FAT3: variants seen among roughly 807,000 people sequenced by gnomAD.
FAT3 encodes the protein FAT atypical cadherin 3, also known as protocadherin Fat 3.
A neutral mutation model predicts 310.2 loss-of-function variants in FAT3; 95 were observed. The observed-to-expected ratio is 0.31, with a 90% CI of 0.26 to 0.36. The LOEUF is 0.36. FAT3 is among the 10% of genes least tolerant of loss of function. The pLI is 1.00. For synonymous variants in FAT3, 2,314 were observed against 2,192.9 expected (o/e 1.06, Z -1.54); for missense variants, 5,408 against 5,715.6 (o/e 0.95, Z 1.74).
chr11:92,659,188 A>G (rs761692848), intron 3 of FAT3, among the ~76,000 whole-genome samples: 2 of 152,206 alleles, frequency 1.3e-5, no homozygotes, highest in African/African-American at 4.8e-5. Context: ...ACAGTTGAAA[A>G]TACTAAAATT....
At chr11:92,746,223 A>G (rs1032784444) in intron 4 of FAT3, among the ~76,000 whole-genome samples, 3 of 152,240 alleles carry the variant, frequency 2.0e-5, no homozygotes, top group Admixed American at 1.3e-4. Flanking sequence ...TTTATAAAGG[A>G]AAGAGGTTTA....
intron 3 of FAT3, among the ~76,000 whole-genome samples, chr11:92,690,535 T>C (rs925867263): frequency 6.6e-6 from 1 of 152,194 alleles, no homozygotes; most frequent in Non-Finnish European, 1.5e-5. Flanking sequence ...GAATCCTTTT[T>C]TTAACCCCCT....
chr11:92,570,524 T>G (rs1033912175), intron 3 of FAT3, among the ~76,000 whole-genome samples: 1 of 152,162 alleles, frequency 6.6e-6, no homozygotes, highest in Non-Finnish European at 1.5e-5. Context: ...TCCTCCAGTT[T>G]CAACAGCCAT....
At chr11:92,528,599 G>T (rs2135376029) in intron 3 of FAT3, among the ~76,000 whole-genome samples, 1 of 152,292 alleles carries the variant, frequency 6.6e-6, no homozygotes, top group East Asian at 1.9e-4. Flanking sequence ...TGTTAGCCAG[G>T]ATGGTCTCGA....
chr11:92,769,039 A>G (rs956925345), intron 6 of FAT3, among the ~76,000 whole-genome samples: 2 of 152,190 alleles, frequency 1.3e-5, no homozygotes, highest in African/African-American at 2.4e-5. Context: ...AAATCTAGCC[A>G]ATTCTTGCTT....
intron 2 of FAT3, among the ~76,000 whole-genome samples, chr11:92,448,198 C>T (rs79998402): frequency 0.018 from 2,780 of 152,214 alleles, 85 homozygotes; most frequent in African/African-American, 0.062. Context: ...CTTGGAACAA[C>T]ATAAGGCAAA....
At chr11:92,256,043 A>G (rs1388378065) in intron 1 of FAT3, among the ~76,000 whole-genome samples, 1 of 152,138 alleles carries the variant, frequency 6.6e-6, no homozygotes, top group Non-Finnish European at 1.5e-5. Flanking sequence ...AAACTGTCCT[A>G]AAAAGCACAA....
intron 1 of FAT3, among the ~76,000 whole-genome samples, chr11:92,256,871 C>A (rs1037821996): frequency 6.6e-6 from 1 of 152,092 alleles, no homozygotes; most frequent in African/African-American, 2.4e-5. Context: ...CAGATCTTCC[C>A]TAATCCCAGT....
intron 3 of FAT3, among the ~76,000 whole-genome samples, chr11:92,539,734 TA>T (rs1954379139): frequency 6.6e-6 from 1 of 152,220 alleles, no homozygotes; most frequent in Non-Finnish European, 1.5e-5. Flanking sequence ...TGCCCAGGGT[TA>T]TTCCAGATAA....
chr11:92,733,158 C>T (rs1031791574), intron 4 of FAT3, among the ~76,000 whole-genome samples: 3 of 152,128 alleles, frequency 2.0e-5, no homozygotes, highest in African/African-American at 7.2e-5. Context: ...TGTCAGAAGG[C>T]TACGTATGCC....
intron 2 of FAT3, among the ~76,000 whole-genome samples, chr11:92,521,891 G>A (rs966430126): frequency 2.6e-5 from 4 of 151,952 alleles, no homozygotes; most frequent in Non-Finnish European, 4.4e-5. Context: ...CTAGTATATC[G>A]GTCTAAACCA....
intron 7 of FAT3, among the ~76,000 whole-genome samples, chr11:92,778,388 C>T (rs553448564): frequency 2.0e-5 from 3 of 152,242 alleles, no homozygotes; most frequent in African/African-American, 7.2e-5. Flanking sequence ...TTAGCATTTC[C>T]CTGGACTAAA....
At chr11:92,406,698 G>A (rs954369851) in intron 2 of FAT3, 1 of 152,190 alleles carries the variant, frequency 6.6e-6, no homozygotes, top group African/African-American at 2.4e-5. Context: ...GAGGTGCTCT[G>A]TGTGCACTTG....
intron 3 of FAT3, among the ~76,000 whole-genome samples, chr11:92,610,416 G>A (rs1265835188): frequency 1.3e-5 from 2 of 152,098 alleles, no homozygotes; most frequent in Admixed American, 6.5e-5. Flanking sequence ...TATTTATGTT[G>A]TAATACTCAT....
rs979629787 is a variant in FAT3 at position 92,895,266 on chromosome 11, G to A, written c.*4153G>A. On this transcript the variant is annotated 3_prime_UTR_variant, in exon 28 of 28. Coordinates refer to ENST00000525166, the MANE Select transcript of FAT3 (RefSeq NM_001367949.2). The stretch of plus-strand genomic sequence containing the variant: ...AGAAGGTGGTTATATGTTTTTGCTG[G>A]TTTGTGTCCCACAGTGTTCAACTGC... 6.6e-6 allele frequency: 1 copy of A among 152,180 alleles called. No homozygotes were observed. The highest frequency in any genetic ancestry group is 1.5e-5 in the Non-Finnish European group (1 of 68,026). The allele number at this position is 152,180 out of a possible 1,614,324, so 9.4% of individuals were successfully genotyped here. A position where few individuals can be genotyped will look rare whatever the true frequency, so the allele number is the denominator to read the frequency against.
intron 1 of FAT3, among the ~76,000 whole-genome samples, chr11:92,293,039 AGG>A (rs1467229485): frequency 0.012 from 1,631 of 131,384 alleles, 42 homozygotes; most frequent in African/African-American, 0.046. Flanking sequence ...GAAGGAAGGA[AGG>A]AAGGAAGGAA....
At chr11:92,716,968 A>C (rs2135962283) in intron 4 of FAT3, among the ~76,000 whole-genome samples, 1 of 150,366 alleles carries the variant, frequency 6.7e-6, no homozygotes, top group Admixed American at 6.6e-5. Context: ...GTTTGAATCA[A>C]GATTCTGCCA....
intron 3 of FAT3, among the ~76,000 whole-genome samples, chr11:92,556,816 G>GA (rs1239330081): frequency 1.3e-5 from 2 of 151,956 alleles, no homozygotes; most frequent in Non-Finnish European, 2.9e-5. Context: ...ATTATTCCTC[G>GA]AAAATGCTCC....
intron 21 of FAT3, among the ~76,000 whole-genome samples, chr11:92,859,776 C>T (rs1386527016): frequency 6.6e-6 from 1 of 152,180 alleles, no homozygotes; most frequent in African/African-American, 2.4e-5. Context: ...CCTATCATGA[C>T]CCAAGTAGCC....
Sources: gnomAD v4.1 joint callset for allele counts (sites outside exome capture counted in the v4.1 genomes callset) on GRCh38, gnomAD v4.1.1 for gene constraint, MANE v1.5 for transcripts, NCBI Gene and HGNC (gene_info 2026-07-23, HGNC 2026-07-21) for gene names.